FBXL7: variants seen among roughly 807,000 people sequenced by gnomAD.
FBXL7 encodes F-box/LRR-repeat protein 7.
Under a neutral mutation model 38.3 loss-of-function variants are expected in FBXL7, and 12 were observed. That is an observed-to-expected ratio of 0.31 (90% CI 0.20 to 0.51). The LOEUF is 0.51. Among genes scored for constraint, FBXL7 ranks in the 20% least tolerant of loss-of-function variants. The pLI, the probability that FBXL7 is intolerant of heterozygous loss-of-function variation, is 0.98. For synonymous variants in FBXL7, 297 were observed against 300.9 expected, an observed-to-expected ratio of 0.99 and a Z score of 0.13; for missense variants, 567 against 676.4, an observed-to-expected ratio of 0.84 and a Z score of 1.79.
chr5:15,766,586 A>G (rs1319110181), intron 2 of FBXL7, among the ~76,000 whole-genome samples: 2 of 152,208 alleles, frequency 1.3e-5, no homozygotes, highest in East Asian at 1.9e-4. Flanking sequence ...TTTCATTTCC[A>G]TTGGCGTGTA....
In FBXL7 at chr5:15,767,556, T is replaced by A. The variant is rs535233350; in HGVS notation, c.127+151484T>A. Among the ~76,000 whole-genome samples, 9 of 152,246 alleles carry A rather than the reference T, an allele frequency of 5.9e-5. No individual in the cohort carries two copies. The South Asian group carries it at 1.7e-3, about 28-fold the overall frequency. On this transcript the variant is annotated intron_variant, in intron 2 of 3. Transcript: ENST00000504595. ...GGGCTACTCTAGAGGTAAGGAAAAG[T>A]GGAGACAATAAAACCAGCAAACATA...
chr5:15,900,571 T>C (rs934423394), intron 2 of FBXL7, among the ~76,000 whole-genome samples: 4 of 152,078 alleles, frequency 2.6e-5, no homozygotes, highest in African/African-American at 7.3e-5. Flanking sequence ...AAACGTTTTA[T>C]TTTGGATTCC....
At chr5:15,582,651 A>G (rs1227045833) in intron 1 of FBXL7, among the ~76,000 whole-genome samples, 3 of 152,242 alleles carry the variant, frequency 2.0e-5, no homozygotes, top group African/African-American at 7.2e-5. Context: ...AGCTTTGAGT[A>G]TAACACCTTT....
chr5:15,686,246 T>A (rs1311926950), intron 2 of FBXL7, among the ~76,000 whole-genome samples: 1 of 152,216 alleles, frequency 6.6e-6, no homozygotes, highest in Non-Finnish European at 1.5e-5. Context: ...GTTTTGTAAA[T>A]GGGATCGACT....
intron 2 of FBXL7, among the ~76,000 whole-genome samples, chr5:15,777,064 T>C (rs1427820174): frequency 4.6e-5 from 7 of 152,156 alleles, no homozygotes; most frequent in African/African-American, 1.7e-4. Flanking sequence ...AGATAATTCA[T>C]GTTAAAATAT....
rs768664574 is a variant in FBXL7, at chr5:15,936,897, A to G, written c.1187A>G (p.Tyr396Cys). 6 of 1,614,032 alleles carry G rather than the reference A, an allele frequency of 3.7e-6. No individual in the cohort carries two copies. The South Asian group carries it at 5.5e-5, about 15-fold the overall frequency. ...CEGITDHGVEYLAKNCTKLKS... is the reference protein window; with the variant it reads ...CEGITDHGVECLAKNCTKLKS... ...GGCATCACGGACCACGGTGTGGAGTACCTCGCCAAGAACTGCACCAAACTC... is the reference window on the plus strand; with the variant it reads ...GGCATCACGGACCACGGTGTGGAGTGCCTCGCCAAGAACTGCACCAAACTC... Residue 396 changes from tyrosine to cysteine, a missense_variant, in exon 4 of 4, where the codon TAC (tyrosine) becomes TGC (cysteine). Tyr to Cys is a radical substitution (Grantham distance 194). Coordinates refer to ENST00000504595, the MANE Select transcript of FBXL7 (RefSeq NM_012304.5). This position sits in a 1 kb window ranked among gnomAD's most constrained non-coding sequence, Gnocchi z 6.0.
At chr5:15,789,270 T>G (rs963002625) in intron 2 of FBXL7, among the ~76,000 whole-genome samples, 2 of 152,138 alleles carry the variant, frequency 1.3e-5, no homozygotes, top group Non-Finnish European at 2.9e-5. Context: ...ATATAGTCAT[T>G]TTTATGTCTC....
Position 15,929,557 on chromosome 5 carries a change from G to A in FBXL7, c.739+1056G>A, listed in dbSNP as rs138533613. 1.6e-4 allele frequency among the ~76,000 whole-genome samples: 24 copies of A among 150,514 alleles called. No individual in the cohort carries two copies. The East Asian group carries it at 1.8e-3, about 11-fold the overall frequency. ...GAGGATTGCTTGAGCCCAGGAGTTC[G>A]AAGCTGCAGTGAACTATGATCATAC... is the stretch of plus-strand genomic sequence containing the variant. On this transcript the variant is annotated intron_variant, in intron 3 of 3. Coordinates refer to ENST00000504595, the MANE Select transcript of FBXL7 (RefSeq NM_012304.5).
At chr5:15,836,813 G>A (rs1470794724) in intron 2 of FBXL7, among the ~76,000 whole-genome samples, 2 of 152,064 alleles carry the variant, frequency 1.3e-5, no homozygotes, top group Non-Finnish European at 2.9e-5. Flanking sequence ...AAAATGCTGT[G>A]GCCATCCACA....
intron 2 of FBXL7, among the ~76,000 whole-genome samples, chr5:15,919,176 G>C (rs914229135): frequency 2.0e-4 from 31 of 152,190 alleles, no homozygotes; most frequent in Non-Finnish European, 3.8e-4. Context: ...TTGGTAATCA[G>C]AGGGGGAAGA....
chr5:15,739,963 C>T (rs1735853078), intron 2 of FBXL7, among the ~76,000 whole-genome samples: 1 of 152,058 alleles, frequency 6.6e-6, no homozygotes, highest in South Asian at 2.1e-4. Context: ...AGGAACTGCC[C>T]GACTATTCAC....
intron 1 of FBXL7, among the ~76,000 whole-genome samples, chr5:15,570,216 G>T (rs1351819498): frequency 6.6e-6 from 1 of 152,118 alleles, no homozygotes; most frequent in Non-Finnish European, 1.5e-5. Context: ...AATCCATCTG[G>T]TCCTGGACTT....
chr5:15,777,720 T>TAAAAAAAAAAAAAAAAAAAAAAAAAAA lies in FBXL7; in HGVS notation c.128-150144_128-150143insAAAAAAAAAAAAAAAAAAAAAAAAAAA, dbSNP rs371293320. ...TATTGTTTGCAAACCCCTATTCTGG[T>TAAAAAAAAAAAAAAAAAAAAAAAAAAA]AAAAAAAAAAAAAAAAAAAAAAAAA... On this transcript the variant is annotated intron_variant, in intron 2 of 3. Transcript: ENST00000504595. Among the ~76,000 whole-genome samples the TAAAAAAAAAAAAAAAAAAAAAAAAAAA allele has an allele frequency of 4.8e-5, 4 of 82,506 alleles. 1 individual carries two copies. Among genetic ancestry groups the TAAAAAAAAAAAAAAAAAAAAAAAAAAA allele is most frequent in the Admixed American group, 1.3e-4 (1 of 7,518 alleles). The allele number at this position is 82,506 out of a possible 152,430, so 54.1% of individuals were successfully genotyped here. A position where few individuals can be genotyped will look rare whatever the true frequency, so the allele number is the denominator to read the frequency against.
intron 1 of FBXL7, among the ~76,000 whole-genome samples, chr5:15,555,794 G>GATAC (rs1738210815): frequency 1.5e-5 from 1 of 65,136 alleles, no homozygotes; most frequent in South Asian, 3.3e-4. Context: ...GAGATAGATA[G>GATAC]ATAGATAGAT....
chr5:15,581,321 A>T (rs1201259392), intron 1 of FBXL7, among the ~76,000 whole-genome samples: 1 of 152,072 alleles, frequency 6.6e-6, no homozygotes, highest in Admixed American at 6.6e-5. Flanking sequence ...GAAAGACTAA[A>T]TTCAGATAAC....
At chr5:15,606,024 CAATT>C (rs569056539) in intron 1 of FBXL7, among the ~76,000 whole-genome samples, 57 of 152,112 alleles carry the variant, frequency 3.7e-4, no homozygotes, top group African/African-American at 1.1e-3. Flanking sequence ...TTTTATCTGT[CAATT>C]AATTATTTTA....
intron 1 of FBXL7, among the ~76,000 whole-genome samples, chr5:15,543,549 A>G (rs1737816387): frequency 6.6e-6 from 1 of 152,214 alleles, no homozygotes; most frequent in Admixed American, 6.5e-5. Context: ...GGGAATGGAC[A>G]TTCCCTACTC....
At chr5:15,737,188 T>C (rs35167698) in intron 2 of FBXL7, among the ~76,000 whole-genome samples, 97,896 of 151,912 alleles carry the variant, frequency 0.64, 32,032 homozygotes, top group East Asian at 0.72. Flanking sequence ...CCACTGGGCG[T>C]CCGAAGCTCT....
intron 2 of FBXL7, among the ~76,000 whole-genome samples, chr5:15,871,047 C>T (rs1175878779): frequency 1.3e-5 from 2 of 152,176 alleles, no homozygotes; most frequent in African/African-American, 2.4e-5. Flanking sequence ...TGACAAACAC[C>T]TCATACAGGA....
Sources: gnomAD v4.1 joint callset for allele counts (sites outside exome capture counted in the v4.1 genomes callset) on GRCh38, gnomAD v4.1.1 for gene constraint, Gnocchi (gnomAD v3.1) non-coding constraint, MANE v1.5 for transcripts, NCBI Gene and HGNC (gene_info 2026-07-23, HGNC 2026-07-21) for gene names.